CASP8: variants seen among roughly 807,000 people sequenced by gnomAD.
The protein encoded by CASP8 is caspase 8, also known as caspase-8.
CASP8 carries 24 observed loss-of-function variants against 46.3 expected under a neutral mutation model. That is an observed-to-expected ratio of 0.52 (90% CI 0.38 to 0.73). The LOEUF (loss-of-function observed/expected upper bound fraction) is 0.73, where lower values mean the gene tolerates loss of function less well. Among genes scored for constraint, CASP8 ranks in the 30% least tolerant of loss-of-function variants. CASP8 has a pLI of 0.00. For missense variants in CASP8, 460 were observed against 559.0 expected (o/e 0.82, Z 1.79); for synonymous variants, 188 against 200.4 (o/e 0.94, Z 0.52).
At chr2:201,236,198 C>T (rs1280465909) in intron 2 of CASP8, among the ~76,000 whole-genome samples, 2 of 152,186 alleles carry the variant, frequency 1.3e-5, no homozygotes, top group Non-Finnish European at 2.9e-5. Flanking sequence ...CTCCCCACCC[C>T]TGCTCCTTTT....
intron 7 of CASP8, among the ~76,000 whole-genome samples, chr2:201,279,919 C>T (rs1229400273): frequency 1.3e-5 from 2 of 152,076 alleles, no homozygotes; most frequent in Admixed American, 6.5e-5. Flanking sequence ...TACCACTGCA[C>T]TCCAGCCTGG....
chr2:201,286,357 TGA>T, intron 8 of CASP8, 100 bp from the exon 9 acceptor site: 1 of 1,420,278 alleles, frequency 7.0e-7, no homozygotes, highest in Non-Finnish European at 9.8e-7. Flanking sequence ...ACTGATATTT[TGA>T]GAGAAAGAAC....
At chr2:201,244,996 C>T (rs1022721861) in intron 2 of CASP8, among the ~76,000 whole-genome samples, 3 of 152,200 alleles carry the variant, frequency 2.0e-5, no homozygotes, top group Non-Finnish European at 4.4e-5. Flanking sequence ...CTTTTATTCC[C>T]TCCTGTCAGT....
intron 6 of CASP8, among the ~76,000 whole-genome samples, chr2:201,276,132 G>C (rs1018873560): frequency 2.6e-5 from 4 of 152,144 alleles, no homozygotes; most frequent in Non-Finnish European, 4.4e-5. Flanking sequence ...TAAATGCTGA[G>C]TTTCTCGGTA....
upstream of CASP8, among the ~76,000 whole-genome samples, chr2:201,256,703 A>G (rs1947034910): frequency 1.3e-5 from 2 of 152,232 alleles, no homozygotes; most frequent in African/African-American, 2.4e-5. Context: ...CATCCATAAC[A>G]TGGGAGAACA....
chr2:201,245,056 C>A (rs1404486941), intron 2 of CASP8, among the ~76,000 whole-genome samples: 1 of 152,144 alleles, frequency 6.6e-6, no homozygotes, highest in African/African-American at 2.4e-5. Flanking sequence ...ATCATCCCTG[C>A]TGCTTGGAGG....
At chr2:201,270,877 A>G (rs1202182390) in intron 2 of CASP8, among the ~76,000 whole-genome samples, 1 of 152,166 alleles carries the variant, frequency 6.6e-6, no homozygotes, top group Non-Finnish European at 1.5e-5. Context: ...TTACTAAGTC[A>G]TAGTGGAGTG....
intron 2 of CASP8, among the ~76,000 whole-genome samples, chr2:201,238,064 C>T (rs1946131626): frequency 6.6e-6 from 1 of 152,152 alleles, no homozygotes. Context: ...GGTAGACTTC[C>T]TGGAGGAAGT....
intron 7 of CASP8, chr2:201,277,836 G>A (rs1392630459): frequency 3.1e-6 from 1 of 327,386 alleles, no homozygotes; most frequent in East Asian, 1.2e-4. Context: ...AAGTAGCTGG[G>A]ACTACAGGCA....
chr2:201,252,564 G>A (rs1014344510), intron 2 of CASP8, among the ~76,000 whole-genome samples: 4 of 152,106 alleles, frequency 2.6e-5, no homozygotes, highest in Admixed American at 6.5e-5. Flanking sequence ...TTTGGGTAAC[G>A]GTCTTTTGTT....
chr2:201,267,385 G>A (rs1947898377), intron 2 of CASP8, among the ~76,000 whole-genome samples: 1 of 152,056 alleles, frequency 6.6e-6, no homozygotes, highest in South Asian at 2.1e-4. Flanking sequence ...TTAAAGACTC[G>A]AATGACTAAG....
rs553580871 is a variant in CASP8 at position 201,252,839 on chromosome 2, T to G, written c.-26-13622T>G. ...AAAGAAATAATTGCCTAATTCATTT[T>G]GTAGTGAATGTGTTTTGTTACTACC... On this transcript the variant is annotated intron_variant, in intron 2 of 6. Transcript: ENST00000264274. Among the ~76,000 whole-genome samples, 177 of 152,388 alleles carry G rather than the reference T, an allele frequency of 1.2e-3. 1 individual carries two copies. Among genetic ancestry groups the G allele is most frequent in the African/African-American group, 4.1e-3 (170 of 41,598 alleles).
chr2:201,260,153 A>AG (rs544050657), upstream of CASP8, among the ~76,000 whole-genome samples: 21 of 152,214 alleles, frequency 1.4e-4, no homozygotes, highest in East Asian at 4.1e-3. Flanking sequence ...GACCTCTCTG[A>AG]GGTGCTCCAT....
intron 1 of CASP8, among the ~76,000 whole-genome samples, chr2:201,262,466 T>C (rs1257545950): frequency 1.3e-5 from 2 of 151,848 alleles, no homozygotes; most frequent in African/African-American, 4.8e-5. Flanking sequence ...ATACATTTAC[T>C]ATTTAGCAGA....
At position 201,272,694 on chromosome 2, in the gene CASP8, G is replaced by A; in HGVS notation, c.468G>A (p.Lys156=). 2 of 1,614,136 alleles carry A rather than the reference G, an allele frequency of 1.2e-6. No homozygotes were observed. Among genetic ancestry groups the A allele is most frequent in the Non-Finnish European group, 1.7e-6 (2 of 1,179,956 alleles). ...AGAGGGTCATCCTGGGAGAAGGAAA[G>A]TTGGACATCCTGAAAAGAGTCTGTG... ...MEKRVILGEG[K]LDILKRVCAQ... Residue 156 remains lysine, a synonymous_variant, in exon 4 of 9, where the codon AAG becomes AAA. Coordinates refer to ENST00000673742, the MANE Select transcript of CASP8 (RefSeq NM_001372051.1). This position sits in a 1 kb window ranked among gnomAD's most constrained non-coding sequence, Gnocchi z 4.4.
At chr2:201,234,649 G>A (rs962368324) in intron 2 of CASP8, among the ~76,000 whole-genome samples, 12 of 151,528 alleles carry the variant, frequency 7.9e-5, no homozygotes, top group Non-Finnish European at 1.2e-4. Flanking sequence ...AGAGATGGGG[G>A]GGTCTCACCA....
At chr2:201,255,223 A>T (rs923464930) in intron 2 of CASP8, among the ~76,000 whole-genome samples, 7 of 152,184 alleles carry the variant, frequency 4.6e-5, no homozygotes, top group Non-Finnish European at 1.0e-4. Flanking sequence ...CTACAGGCAC[A>T]TGCCACCATG....
At chr2:201,283,135 G>A (rs1949236730) in intron 7 of CASP8, among the ~76,000 whole-genome samples, 2 of 63,514 alleles carry the variant, frequency 3.1e-5, no homozygotes, top group Non-Finnish European at 7.7e-5. Flanking sequence ...GGCTGGCCGG[G>A]CAGAGGGGCT....
intron 2 of CASP8, among the ~76,000 whole-genome samples, chr2:201,245,608 T>G (rs1441389203): frequency 1.3e-5 from 2 of 152,188 alleles, no homozygotes; most frequent in African/African-American, 4.8e-5. Context: ...TGCAACCTCA[T>G]CATCTGCTGC....
Sources: allele counts gnomAD v4.1 joint callset (sites outside exome capture counted in the v4.1 genomes callset), GRCh38; gene constraint gnomAD v4.1.1; non-coding constraint Gnocchi (gnomAD v3.1); transcripts MANE v1.5; gene names NCBI Gene and HGNC (gene_info 2026-07-23, HGNC 2026-07-21).